The following GDAP1L1 variants were observed in gnomAD, a reference collection of about 807,000 sequenced individuals.
The protein encoded by GDAP1L1 is ganglioside induced differentiation associated protein 1 like 1, also known as ganglioside-induced differentiation-associated protein 1-like 1.
A neutral mutation model predicts 37.1 loss-of-function variants in GDAP1L1; 21 were observed. That is an observed-to-expected ratio of 0.57 (90% CI 0.40 to 0.81). GDAP1L1 has a LOEUF of 0.81. Among genes scored for constraint, GDAP1L1 ranks in the 40% least tolerant of loss-of-function variants. The probability of loss-of-function intolerance (pLI) is 0.00; values close to 1 mark genes in which losing one functional copy is unlikely to be tolerated. For synonymous variants in GDAP1L1, 193 were observed against 209.1 expected (o/e 0.92, Z 0.67); for missense variants, 362 against 491.6 (o/e 0.74, Z 2.49).
Position 44,258,468 on chromosome 20 carries a change from C to T in GDAP1L1, c.408C>T (p.Ser136=). The T allele has an allele frequency of 6.4e-7, 1 of 1,554,422 alleles. No homozygotes were observed. Among genetic ancestry groups the T allele is most frequent in the Non-Finnish European group, 8.7e-7 (1 of 1,149,154 alleles). The change falls in exon 3 of 6, where the codon AGC becomes AGT. Residue 136 remains serine (S), a synonymous_variant. Coordinates refer to ENST00000342560, the MANE Select transcript of GDAP1L1 (RefSeq NM_024034.6). ...TGGCCCTGATGCCCGAGGTGGGCAG[C>T]CTGCAGCACGCACGGGTGCTGCAGT... ...HVVALMPEVG[S]LQHARVLQYR...
At chr20:44,260,722 C>G (rs1011653025) in intron 3 of GDAP1L1, among the ~76,000 whole-genome samples, 1 of 151,970 alleles carries the variant, frequency 6.6e-6, no homozygotes, top group Non-Finnish European at 1.5e-5. Context: ...TGGAGTAGGA[C>G]AGGGTGTATT....
In GDAP1L1 at chr20:44,263,347, C is replaced by T. The variant is rs1478945755; in HGVS notation, c.645+20C>T. The T allele has an allele frequency of 6.7e-7, 1 of 1,501,328 alleles. No individual in the cohort carries two copies. Among genetic ancestry groups the T allele is most frequent in the South Asian group, 1.1e-5 (1 of 88,856 alleles). The allele number at this position is 1,501,328 out of a possible 1,614,324, so 93.0% of individuals were successfully genotyped here. A position where few individuals can be genotyped will look rare whatever the true frequency, so the allele number is the denominator to read the frequency against. On this transcript the variant is annotated intron_variant, in intron 4 of 5. Transcript: ENST00000342560. ...CTCATGGTGAGTACCTCCCGGCCTG[C>T]TGAGTCCCCTTCCCTACGAGCTCTT...
At chr20:44,270,681 C>G (rs1302058693) in intron 5 of GDAP1L1, among the ~76,000 whole-genome samples, 1 of 152,202 alleles carries the variant, frequency 6.6e-6, no homozygotes, top group East Asian at 1.9e-4. Flanking sequence ...CTAGAGGCCT[C>G]TATCCCCTGC....
At chr20:44,264,702 G>A in intron 5 of GDAP1L1, 143 bp downstream of exon 5, 1 of 1,472,674 alleles carries the variant, frequency 6.8e-7, no homozygotes, top group Non-Finnish European at 9.1e-7. Context: ...TCAGACTAAG[G>A]TTCAAGTCAT....
At chr20:44,264,350 T>C in intron 4 of GDAP1L1, 95 bp from the exon 5 acceptor site, 1 of 1,326,566 alleles carries the variant, frequency 7.5e-7, no homozygotes, top group Non-Finnish European at 9.6e-7. Context: ...GGAGGCTGGG[T>C]TTGCAGAAGA....
chr20:44,251,647 C>A (rs575611736), intron 1 of GDAP1L1, among the ~76,000 whole-genome samples: 32 of 152,296 alleles, frequency 2.1e-4, no homozygotes, highest in Admixed American at 7.2e-4. Flanking sequence ...ATGCATCTCC[C>A]TGCTTCTCTG....
At chr20:44,267,964 C>T (rs887069283) in intron 5 of GDAP1L1, among the ~76,000 whole-genome samples, 3 of 152,194 alleles carry the variant, frequency 2.0e-5, no homozygotes, top group Admixed American at 1.3e-4. Flanking sequence ...ACAGTCCTTG[C>T]ATCCCTCTGG....
At chr20:44,264,129 C>A (rs7273969) in intron 4 of GDAP1L1, among the ~76,000 whole-genome samples, 50,542 of 151,952 alleles carry the variant, frequency 0.33, 9,677 homozygotes, top group East Asian at 0.5. Context: ...GGGTGCGGGC[C>A]GGTAACCTCC....
chr20:44,247,930 C>T (rs192753733), intron 1 of GDAP1L1, among the ~76,000 whole-genome samples: 1 of 152,124 alleles, frequency 6.6e-6, no homozygotes, highest in Admixed American at 6.5e-5. Context: ...TCGGTAGCCC[C>T]CTCTCAGTCG....
At chr20:44,270,210 G>A (rs576041295) in intron 5 of GDAP1L1, among the ~76,000 whole-genome samples, 21 of 119,700 alleles carry the variant, frequency 1.8e-4, no homozygotes, top group South Asian at 1.4e-3. Context: ...TCGCTCTGTC[G>A]CCCAGGCTGG....
At chr20:44,255,477 G>A (rs2073520226) in intron 1 of GDAP1L1, among the ~76,000 whole-genome samples, 2 of 148,466 alleles carry the variant, frequency 1.3e-5, no homozygotes, top group Non-Finnish European at 3.0e-5. Flanking sequence ...AGGAGGCGGA[G>A]GTTGCAGTGA....
At chr20:44,259,416 G>T (rs960823265) in intron 3 of GDAP1L1, among the ~76,000 whole-genome samples, 1 of 152,118 alleles carries the variant, frequency 6.6e-6, no homozygotes, top group African/African-American at 2.4e-5. Flanking sequence ...ATGTTCAAAG[G>T]CAGGGTTGGG....
chr20:44,260,660 G>A lies in GDAP1L1; in HGVS notation c.547+2053G>A, dbSNP rs537014653. The stretch of plus-strand genomic sequence containing the variant: ...AGCCTTCCAAAATGCAGCAGCGACC[G>A]AGGATGTGTAGCAGGTAGAAGGGGA... On this transcript the variant is annotated intron_variant, in intron 3 of 5. Coordinates refer to ENST00000342560, the MANE Select transcript of GDAP1L1 (RefSeq NM_024034.6). 1.2e-4 allele frequency among the ~76,000 whole-genome samples: 18 copies of A among 152,296 alleles called. 1 individual carries two copies. Among genetic ancestry groups the A allele is most frequent in the East Asian group, 1.9e-4 (1 of 5,184 alleles).
chr20:44,252,459 G>A (rs2073463457), intron 1 of GDAP1L1, among the ~76,000 whole-genome samples: 1 of 152,252 alleles, frequency 6.6e-6, no homozygotes, highest in Middle Eastern at 3.4e-3. Flanking sequence ...GACCAACATG[G>A]TGAAATCCCG....
At chr20:44,277,412 G>A (rs1260338834) in intron 5 of GDAP1L1, among the ~76,000 whole-genome samples, 3 of 152,232 alleles carry the variant, frequency 2.0e-5, no homozygotes, top group Admixed American at 6.5e-5. Flanking sequence ...AGGCCCTGTG[G>A]TAGGAATGTC....
chr20:44,248,322 T>C (rs991229738), intron 1 of GDAP1L1, among the ~76,000 whole-genome samples: 12 of 152,228 alleles, frequency 7.9e-5, no homozygotes, highest in Admixed American at 5.2e-4. Context: ...CCTGGGCGGT[T>C]GTCCCGTCTC....
At chr20:44,258,147 C>T (rs1246401359) in intron 2 of GDAP1L1, 2 of 717,416 alleles carry the variant, frequency 2.8e-6, no homozygotes, top group Non-Finnish European at 5.2e-6. Context: ...CATTGAGCAC[C>T]CAGGTTGCAG....
rs376858711 is a variant in GDAP1L1 at position 44,264,540 on chromosome 20, G to A, written c.741G>A (p.Lys247=). The A allele has an allele frequency of 9.9e-6, 16 of 1,609,338 alleles. No homozygotes were observed. Among genetic ancestry groups the A allele is most frequent in the Middle Eastern group, 1.7e-4 (1 of 6,042 alleles). Reference sequence around the variant, plus strand: ...ACCAGATTGAGGCGGAGCTGGAGAAGAGGAAGCTGGAGAACGAGGGTGGGT... The same window carrying A: ...ACCAGATTGAGGCGGAGCTGGAGAAAAGGAAGCTGGAGAACGAGGGTGGGT... The part of the protein sequence containing the change: ...VLDQIEAELE[K]RKLENEGQKC... The change falls in exon 5 of 6, where the codon AAG becomes AAA. Residue 247 remains lysine (K), a synonymous_variant. Coordinates refer to ENST00000342560, the MANE Select transcript of GDAP1L1 (RefSeq NM_024034.6).
chr20:44,279,294 C>T lies in GDAP1L1; in HGVS notation c.1098C>T (p.Tyr366=), dbSNP rs763507366. The T allele has an allele frequency of 6.2e-7, 1 of 1,600,904 alleles. No individual in the cohort carries two copies. The highest frequency in any genetic ancestry group is 1.1e-5 in the South Asian group (1 of 90,108). ...CCTACTGGTACCTCAAGAAAAAATA[C>T]ATCTAGGGCCAGGCCTGGGGCTTGG... ...YFAYWYLKKK[Y]I is the part of the protein sequence containing the mutation. Residue 366 remains tyrosine (Y), a synonymous_variant, in exon 6 of 6, where the codon TAC becomes TAT. Transcript: ENST00000342560.
Sources: gnomAD v4.1 joint callset for allele counts (sites outside exome capture counted in the v4.1 genomes callset) on GRCh38, gnomAD v4.1.1 for gene constraint, MANE v1.5 for transcripts, NCBI Gene and HGNC (gene_info 2026-07-23, HGNC 2026-07-21) for gene names.